The following MAGI2 variants were observed in gnomAD, a reference collection of about 807,000 sequenced individuals.
The protein encoded by MAGI2 is membrane-associated guanylate kinase, WW and PDZ domain-containing protein 2.
Under a neutral mutation model 133.3 loss-of-function variants are expected in MAGI2, and 35 were observed. That is an observed-to-expected ratio of 0.26 (90% CI 0.20 to 0.35). MAGI2 has a LOEUF of 0.35. Ranked by LOEUF, MAGI2 falls within the 10% of genes least tolerant of loss-of-function variation. The pLI, the probability that MAGI2 is intolerant of heterozygous loss-of-function variation, is 1.00. For missense variants in MAGI2, 1,636 were observed against 1,863.4 expected, an observed-to-expected ratio of 0.88 and a Z score of 2.25; for synonymous variants, 729 against 710.6, an observed-to-expected ratio of 1.03 and a Z score of -0.41.
At chr7:78,364,683 C>G (rs1223116382) in intron 7 of MAGI2, among the ~76,000 whole-genome samples, 1 of 152,140 alleles carries the variant, frequency 6.6e-6, no homozygotes, top group Non-Finnish European at 1.5e-5. Context: ...GTCTTCTGGA[C>G]CAGCAGCTAG....
Position 78,040,490 on chromosome 7 carries a change from C to T in MAGI2, c.3707-20514G>A, listed in dbSNP as rs530352834. Among the ~76,000 whole-genome samples, 15 of 152,308 alleles carry T rather than the reference C, an allele frequency of 9.8e-5. No homozygotes were observed. The South Asian group carries it at 3.1e-3, about 32-fold the overall frequency. The stretch of plus-strand genomic sequence containing the variant: ...AGGAAGGGGGCGCCCGATTCCACCC[C>T]TTTCTCAACCTTCCCTGGGTGGGTA... On this transcript the variant is annotated intron_variant, in intron 21 of 21. Transcript: ENST00000354212.
intron 1 of MAGI2, among the ~76,000 whole-genome samples, chr7:79,184,250 C>G (rs1480158047): frequency 6.6e-6 from 1 of 151,154 alleles, no homozygotes; most frequent in Non-Finnish European, 1.5e-5. Flanking sequence ...ATTGTATCCC[C>G]AAAATATATA....
chr7:78,650,019 C>T (rs1811376733), intron 2 of MAGI2, among the ~76,000 whole-genome samples: 1 of 152,122 alleles, frequency 6.6e-6, no homozygotes, highest in African/African-American at 2.4e-5. Flanking sequence ...GTCTAACAAG[C>T]TCCCAGGTGA....
chr7:79,399,095 C>CTTTCTTTTT (rs1554471826), intron 1 of MAGI2, among the ~76,000 whole-genome samples: 1 of 106,300 alleles, frequency 9.4e-6, no homozygotes, highest in African/African-American at 4.0e-5. Context: ...TTTTTCTTTT[C>CTTTCTTTTT]TTTTTTTTTT....
At chr7:78,547,122 A>T (rs1798912089) in intron 3 of MAGI2, among the ~76,000 whole-genome samples, 3 of 152,224 alleles carry the variant, frequency 2.0e-5, no homozygotes. Flanking sequence ...TATAAAGAAG[A>T]GATTAACTCC....
At chr7:78,916,079 G>A (rs1369183308) in intron 2 of MAGI2, among the ~76,000 whole-genome samples, 2 of 152,042 alleles carry the variant, frequency 1.3e-5, no homozygotes, top group East Asian at 3.9e-4. Flanking sequence ...GTTTAGAATT[G>A]CAACTAAAGA....
chr7:78,318,737 A>G (rs1235216126), intron 9 of MAGI2, among the ~76,000 whole-genome samples: 1 of 152,222 alleles, frequency 6.6e-6, no homozygotes, highest in African/African-American at 2.4e-5. Context: ...CAGGTTACCC[A>G]CAAAAGGAAG....
intron 6 of MAGI2, among the ~76,000 whole-genome samples, chr7:78,390,503 G>A (rs1295244492): frequency 6.6e-6 from 1 of 152,160 alleles, no homozygotes; most frequent in East Asian, 1.9e-4. Context: ...ATAGTTCTCT[G>A]AAGGCACACA....
At chr7:79,430,564 C>T (rs563061977) in intron 1 of MAGI2, among the ~76,000 whole-genome samples, 2 of 152,278 alleles carry the variant, frequency 1.3e-5, no homozygotes, top group Admixed American at 1.3e-4. Flanking sequence ...AGTTCCACAA[C>T]CTCCACATTC....
At chr7:78,415,204 T>G (rs1798190798) in intron 6 of MAGI2, among the ~76,000 whole-genome samples, 1 of 152,082 alleles carries the variant, frequency 6.6e-6, no homozygotes, top group Non-Finnish European at 1.5e-5. Flanking sequence ...TCTTCATAAT[T>G]AATTGATTTG....
intron 6 of MAGI2, among the ~76,000 whole-genome samples, chr7:78,459,426 A>G (rs919027597): frequency 1.3e-5 from 2 of 152,188 alleles, no homozygotes; most frequent in Admixed American, 1.3e-4. Context: ...CTAAAAATGG[A>G]GTCTTTAAAT....
intron 10 of MAGI2, among the ~76,000 whole-genome samples, chr7:78,206,884 C>T (rs1473784135): frequency 6.6e-6 from 1 of 152,080 alleles, no homozygotes; most frequent in Non-Finnish European, 1.5e-5. Context: ...GACTTTTAAA[C>T]AAAGATATGT....
chr7:79,305,725 C>A (rs2129560125), intron 1 of MAGI2, among the ~76,000 whole-genome samples: 1 of 152,152 alleles, frequency 6.6e-6, no homozygotes, highest in Non-Finnish European at 1.5e-5. Flanking sequence ...CTAGACAAAA[C>A]AGTGAGACCC....
intron 2 of MAGI2, among the ~76,000 whole-genome samples, chr7:78,788,615 T>G (rs1325069159): frequency 6.6e-6 from 1 of 152,160 alleles, no homozygotes; most frequent in Non-Finnish European, 1.5e-5. Context: ...TAATTTAGTT[T>G]AACGTATATG....
At chr7:79,186,732 T>TAG (rs1827185629) in intron 1 of MAGI2, among the ~76,000 whole-genome samples, 1 of 129,132 alleles carries the variant, frequency 7.7e-6, no homozygotes, top group African/African-American at 2.7e-5. Flanking sequence ...TACAAAAGTA[T>TAG]ATATATATTT....
intron 10 of MAGI2, among the ~76,000 whole-genome samples, chr7:78,240,845 T>G (rs1375764537): frequency 6.6e-6 from 1 of 152,170 alleles, no homozygotes; most frequent in Non-Finnish European, 1.5e-5. Flanking sequence ...AGATTTAACA[T>G]TAGTACATAT....
At chr7:78,545,583 C>G (rs1407565342) in intron 3 of MAGI2, among the ~76,000 whole-genome samples, 2 of 152,154 alleles carry the variant, frequency 1.3e-5, no homozygotes, top group African/African-American at 4.8e-5. Context: ...GAAGGGCTAT[C>G]ATGATGCCCT....
intron 20 of MAGI2, among the ~76,000 whole-genome samples, chr7:78,083,227 C>G (rs564546823): frequency 2.0e-5 from 3 of 151,980 alleles, no homozygotes; most frequent in South Asian, 2.1e-4. Context: ...TCTATACTCT[C>G]TCTGCCACAG....
chr7:78,070,645 T>TATA (rs1491196620), intron 21 of MAGI2, among the ~76,000 whole-genome samples: 717 of 41,554 alleles, frequency 0.017, 9 homozygotes, highest in African/African-American at 0.034. Context: ...TATATATATA[T>TATA]TTTTTTTTTT....
Sources: allele counts gnomAD v4.1 joint callset (sites outside exome capture counted in the v4.1 genomes callset), GRCh38; gene constraint gnomAD v4.1.1; transcripts MANE v1.5; gene names NCBI Gene and HGNC (gene_info 2026-07-23, HGNC 2026-07-21).